The following EIF4G3 variants were observed in gnomAD, a reference collection of about 807,000 sequenced individuals.
EIF4G3 encodes eIF-4-gamma 3.
EIF4G3 carries 34 observed loss-of-function variants against 186.4 expected under a neutral mutation model. That is an observed-to-expected ratio of 0.18 (90% CI 0.14 to 0.24). EIF4G3 has a LOEUF of 0.24. Ranked by LOEUF, EIF4G3 falls within the 10% of genes least tolerant of loss-of-function variation. The pLI, the probability that EIF4G3 is intolerant of heterozygous loss-of-function variation, is 1.00. For synonymous variants in EIF4G3, 673 were observed against 679.5 expected, an observed-to-expected ratio of 0.99 and a Z score of 0.15; for missense variants, 1,536 against 1,948.5, an observed-to-expected ratio of 0.79 and a Z score of 3.99.
At chr1:20,840,684 C>T (rs3738149) in intron 30 of EIF4G3, among the ~76,000 whole-genome samples, 172 bp downstream of exon 30, 5,008 of 152,186 alleles carry the variant, frequency 0.033, 162 homozygotes, top group East Asian at 0.12. Context: ...CTATAAAATG[C>T]CATCACATCA....
intron 2 of EIF4G3, among the ~76,000 whole-genome samples, chr1:21,094,907 A>C (rs2096321523): frequency 6.6e-6 from 1 of 152,100 alleles, no homozygotes; most frequent in African/African-American, 2.4e-5. Flanking sequence ...TCCAGCCACT[A>C]AGAAAGCTGT....
At position 20,968,156 on chromosome 1, in the gene EIF4G3, G is replaced by A. The variant is rs76751269; in HGVS notation, c.714+1318C>T. 3.4e-4 allele frequency among the ~76,000 whole-genome samples: 51 copies of A among 152,126 alleles called. No individual in the cohort carries two copies. The East Asian group carries it at 7.7e-3, about 23-fold the overall frequency. On this transcript the variant is annotated intron_variant, in intron 12 of 36. Coordinates refer to ENST00000602326, the MANE Select transcript of EIF4G3 (RefSeq NM_001391906.1). Reference sequence around the variant, plus strand: ...ATTTATCAAAATGCAAAGTGACATAGGAGGAATGAAATACAAATCTTTTTT... The same window carrying A: ...ATTTATCAAAATGCAAAGTGACATAAGAGGAATGAAATACAAATCTTTTTT...
chr1:20,922,123 T>C (rs750920096), intron 14 of EIF4G3, among the ~76,000 whole-genome samples: 1 of 152,232 alleles, frequency 6.6e-6, no homozygotes, highest in Non-Finnish European at 1.5e-5. Flanking sequence ...GCTTTTCCTA[T>C]TTCCATATCG....
chr1:21,098,290 C>G (rs1183276165), intron 2 of EIF4G3, among the ~76,000 whole-genome samples: 1 of 151,580 alleles, frequency 6.6e-6, no homozygotes, highest in Non-Finnish European at 1.5e-5. Flanking sequence ...GCCCATAATC[C>G]CAACACTTTA....
intron 4 of EIF4G3, among the ~76,000 whole-genome samples, chr1:21,034,765 T>C (rs2093037119): frequency 6.6e-6 from 1 of 152,158 alleles, no homozygotes; most frequent in African/African-American, 2.4e-5. Context: ...GGTACCAGGT[T>C]CCCGTACTTC....
intron 3 of EIF4G3, among the ~76,000 whole-genome samples, chr1:21,085,365 C>T (rs2095930876): frequency 6.6e-6 from 1 of 152,014 alleles, no homozygotes; most frequent in African/African-American, 2.4e-5. Flanking sequence ...AAACTAAGAC[C>T]TAGAGAAAGG....
At chr1:20,848,462 A>G (rs1279246565) in intron 29 of EIF4G3, among the ~76,000 whole-genome samples, 1 of 152,176 alleles carries the variant, frequency 6.6e-6, no homozygotes, top group Non-Finnish European at 1.5e-5. Flanking sequence ...TATCATAACT[A>G]CAGTTAAGTA....
chr1:21,083,501 T>TTC (rs1430880609), intron 3 of EIF4G3, among the ~76,000 whole-genome samples: 160 of 151,392 alleles, frequency 1.1e-3, no homozygotes, highest in African/African-American at 3.8e-3. Context: ...TTTTTTTTTT[T>TTC]CTAATAGAGA....
chr1:21,097,313 T>G (rs1195711166), intron 2 of EIF4G3, among the ~76,000 whole-genome samples: 1 of 152,150 alleles, frequency 6.6e-6, no homozygotes, highest in Admixed American at 6.6e-5. Flanking sequence ...TGCAACCACT[T>G]TCAGTAGGTA....
At chr1:21,144,379 G>A (rs2097398238) in intron 2 of EIF4G3, among the ~76,000 whole-genome samples, 2 of 151,938 alleles carry the variant, frequency 1.3e-5, no homozygotes. Flanking sequence ...TCAGCTCTTT[G>A]AGCAGCTAGG....
At chr1:20,954,186 T>C (rs1031473414) in intron 12 of EIF4G3, among the ~76,000 whole-genome samples, 2 of 152,102 alleles carry the variant, frequency 1.3e-5, no homozygotes, top group African/African-American at 2.4e-5. Flanking sequence ...ATTTAACATA[T>C]ATAAAATCTG....
chr1:21,051,020 G>A (rs915030043), intron 3 of EIF4G3, 26 bp from the exon 4 acceptor site: 14 of 716,304 alleles, frequency 2.0e-5, no homozygotes, highest in Non-Finnish European at 3.4e-5. Context: ...TATTTAGTAA[G>A]AACATTATAT....
intron 7 of EIF4G3, among the ~76,000 whole-genome samples, chr1:20,992,249 C>T (rs542265295): frequency 2.6e-5 from 4 of 152,170 alleles, no homozygotes; most frequent in Non-Finnish European, 5.9e-5. Flanking sequence ...AGATGGCTTG[C>T]TATTCATATC....
chr1:21,032,986 T>A (rs751686553), intron 4 of EIF4G3, among the ~76,000 whole-genome samples: 10 of 152,206 alleles, frequency 6.6e-5, no homozygotes, highest in Non-Finnish European at 1.3e-4. Context: ...GTAACAGATA[T>A]GCCTACTAAG....
At chr1:20,941,251 A>G in intron 14 of EIF4G3, 1 of 1,545,684 alleles carries the variant, frequency 6.5e-7, no homozygotes, top group Non-Finnish European at 8.7e-7. Context: ...ATGTTTCGTG[A>G]CATATACCTT....
At chr1:21,144,253 T>G (rs956537663) in intron 2 of EIF4G3, among the ~76,000 whole-genome samples, 3 of 152,122 alleles carry the variant, frequency 2.0e-5, no homozygotes, top group African/African-American at 7.2e-5. Context: ...TTCAATCTAT[T>G]TATTTATTTA....
At position 21,173,526 on chromosome 1, in the gene EIF4G3, G is replaced by A. The variant is rs185049525; in HGVS notation, c.-272+2649C>T. Among the ~76,000 whole-genome samples, 6 of 151,920 alleles carry A rather than the reference G, an allele frequency of 3.9e-5. No individual in the cohort carries two copies. The South Asian group carries it at 1.0e-3, about 26-fold the overall frequency. The stretch of plus-strand genomic sequence containing the variant: ...ACATGGTGAAACCCAGTCTGATCAC[G>A]CCTTACAAAAAATTACCTGGACCTG... On this transcript the variant is annotated intron_variant, in intron 2 of 36. Coordinates refer to ENST00000602326, the MANE Select transcript of EIF4G3 (RefSeq NM_001391906.1).
chr1:21,007,538 C>CAAAAAAAAAAAAAAAAAAAAAAA (rs1471121881), intron 4 of EIF4G3, among the ~76,000 whole-genome samples: 2 of 58,488 alleles, frequency 3.4e-5, no homozygotes, highest in African/African-American at 5.1e-5. Context: ...AAAAAAAAAA[C>CAAAAAAAAAAAAAAAAAAAAAAA]ACACTCAAAA....
At chr1:20,907,941 C>T (rs1220843505) in intron 14 of EIF4G3, among the ~76,000 whole-genome samples, 3 of 151,426 alleles carry the variant, frequency 2.0e-5, no homozygotes, top group Admixed American at 6.6e-5. Context: ...ATGGTATTTC[C>T]AGTTCTAGAT....
Sources: gnomAD v4.1 joint callset for allele counts (sites outside exome capture counted in the v4.1 genomes callset) on GRCh38, gnomAD v4.1.1 for gene constraint, MANE v1.5 for transcripts, NCBI Gene and HGNC (gene_info 2026-07-23, HGNC 2026-07-21) for gene names.